DHX9: variants seen among roughly 807,000 people sequenced by gnomAD.
DHX9 encodes the protein DExH-box helicase 9, also known as ATP-dependent RNA helicase A.
Under a neutral mutation model 148.7 loss-of-function variants are expected in DHX9, and 27 were observed. That is an observed-to-expected ratio of 0.18 (90% CI 0.13 to 0.25). DHX9 has a LOEUF of 0.25. Among genes scored for constraint, DHX9 ranks in the 10% least tolerant of loss-of-function variants. The pLI, the probability that DHX9 is intolerant of heterozygous loss-of-function variation, is 1.00. For missense variants in DHX9, 796 were observed against 1,559.6 expected (o/e 0.51, Z 8.25); for synonymous variants, 529 against 516.6 (o/e 1.02, Z -0.33).
At position 182,854,045 on chromosome 1, in the gene DHX9, G is replaced by GCT; in HGVS notation, c.493_494insCT (p.Glu165AlafsTer5). ...GATTCTACAGACTCTAGAATCAGAA[G>GCT]AAGTGGATTTAAATGCTGGGCTTCA... On this transcript the variant is annotated frameshift_variant, in exon 6 of 28. Coordinates refer to ENST00000367549, the MANE Select transcript of DHX9 (RefSeq NM_001357.5). LOFTEE classifies it high-confidence loss of function. 6.2e-7 allele frequency: 1 copy of GCT among 1,612,254 alleles called. No individual in the cohort carries two copies. Among genetic ancestry groups the GCT allele is most frequent in the Non-Finnish European group, 8.5e-7 (1 of 1,179,856 alleles).
chr1:182,868,691 A>G (rs1242828438), intron 14 of DHX9, among the ~76,000 whole-genome samples: 1 of 151,654 alleles, frequency 6.6e-6, no homozygotes, highest in Non-Finnish European at 1.5e-5. Flanking sequence ...AATTTTTTGT[A>G]TTTTTAGTAG....
chr1:182,879,564 T>G (rs1429299938), intron 21 of DHX9, among the ~76,000 whole-genome samples, 154 bp downstream of exon 21: 2 of 152,128 alleles, frequency 1.3e-5, no homozygotes, highest in Non-Finnish European at 2.9e-5. Context: ...CCTTAGATAG[T>G]TAGTATAGTC....
At chr1:182,873,335 T>C (rs1287996858) in intron 15 of DHX9, among the ~76,000 whole-genome samples, 1 of 152,164 alleles carries the variant, frequency 6.6e-6, no homozygotes, top group Non-Finnish European at 1.5e-5. Flanking sequence ...AAAAGAATTA[T>C]GGTACATTCT....
At chr1:182,844,962 C>T (rs1404979818) in intron 3 of DHX9, among the ~76,000 whole-genome samples, 1 of 152,212 alleles carries the variant, frequency 6.6e-6, no homozygotes, top group East Asian at 1.9e-4. Flanking sequence ...TGTGCCCAGC[C>T]TGTCTATGCC....
At chr1:182,865,707 C>A (rs1648264055) in intron 12 of DHX9, among the ~76,000 whole-genome samples, 1 of 152,128 alleles carries the variant, frequency 6.6e-6, no homozygotes, top group South Asian at 2.1e-4. Context: ...GAATCAAATC[C>A]AAGGCACCTT....
intron 13 of DHX9, 27 bp downstream of exon 13, chr1:182,866,612 T>C: frequency 6.2e-7 from 1 of 1,601,232 alleles, no homozygotes; most frequent in Non-Finnish European, 8.5e-7. Flanking sequence ...GATTTTTCAT[T>C]TGGGGTTTAT....
intron 27 of DHX9, among the ~76,000 whole-genome samples, chr1:182,885,398 A>G (rs966716075): frequency 9.9e-5 from 15 of 152,222 alleles, no homozygotes; most frequent in Admixed American, 3.9e-4. Context: ...GTCTTTATTT[A>G]GGTTCACTAA....
At chr1:182,850,892 C>T (rs987197204) in intron 3 of DHX9, among the ~76,000 whole-genome samples, 1 of 152,140 alleles carries the variant, frequency 6.6e-6, no homozygotes, top group African/African-American at 2.4e-5. Flanking sequence ...AAAGGAAATC[C>T]TCCCCATCAC....
chr1:182,856,432 A>C, intron 6 of DHX9, 100 bp from the exon 7 acceptor site: 1 of 929,188 alleles, frequency 1.1e-6, no homozygotes, highest in Non-Finnish European at 1.7e-6. Flanking sequence ...TTTTTCTGTG[A>C]TTTGCCTAAG....
At chr1:182,884,890 T>G in intron 27 of DHX9, 77 bp downstream of exon 27, 2 of 1,381,948 alleles carry the variant, frequency 1.4e-6, no homozygotes, top group Non-Finnish European at 2.1e-6. Flanking sequence ...CTGAAGTTAG[T>G]GATAGAAGCC....
chr1:182,850,328 C>T (rs1193202621), intron 3 of DHX9, among the ~76,000 whole-genome samples: 1 of 151,982 alleles, frequency 6.6e-6, no homozygotes, highest in Non-Finnish European at 1.5e-5. Context: ...GGCGTGGTGG[C>T]TCACACCTGT....
intron 18 of DHX9, 79 bp from the exon 19 acceptor site, chr1:182,876,751 G>T: frequency 1.8e-6 from 2 of 1,119,250 alleles, no homozygotes. Context: ...CTTGTCATTT[G>T]TTACATACAT....
chr1:182,839,593 C>A (rs912372283), intron 1 of DHX9, 137 bp downstream of exon 1: 2 of 152,130 alleles, frequency 1.3e-5, no homozygotes, highest in Admixed American at 1.3e-4. Context: ...GGACGAGCCG[C>A]CCGCGGGTCC....
intron 22 of DHX9, among the ~76,000 whole-genome samples, chr1:182,880,860 A>G (rs1463563616): frequency 2.6e-5 from 4 of 152,282 alleles, no homozygotes; most frequent in African/African-American, 7.2e-5. Flanking sequence ...AGGCCAGGCA[A>G]TGTGGCTCAC....
intron 14 of DHX9, among the ~76,000 whole-genome samples, chr1:182,869,671 C>T (rs753355750): frequency 5.9e-5 from 9 of 152,322 alleles, no homozygotes; most frequent in South Asian, 2.1e-4. Context: ...AGTGAAGTTT[C>T]GGCATCTCAG....
rs953566447 is a variant in DHX9, at chr1:182,876,164, A to G, written c.1930A>G (p.Ile644Val). ...ACTCATCGAGGCTCTACTTAAGTAC[A>G]TTGAAACCCTTAATGTTCCTGGAGC... The part of the protein sequence containing the change: ...FELIEALLKY[I>V]ETLNVPGAVL... The change falls in exon 17 of 28, where the codon ATT (isoleucine) becomes GTT (valine). Residue 644 changes from isoleucine (I) to valine (V), a missense_variant. Physicochemically the swap from Ile to Val is conservative, Grantham distance 29. Transcript: ENST00000367549. 1.9e-6 allele frequency: 3 copies of G among 1,613,894 alleles called. No individual in the cohort carries two copies. The highest frequency in any genetic ancestry group is 1.7e-6 in the Non-Finnish European group (2 of 1,179,898).
At chr1:182,872,896 A>G (rs1648607049) in intron 15 of DHX9, among the ~76,000 whole-genome samples, 1 of 152,242 alleles carries the variant, frequency 6.6e-6, no homozygotes, top group South Asian at 2.1e-4. Flanking sequence ...TAGATTTTGA[A>G]TTAAGATTAA....
chr1:182,872,099 C>G (rs1648575108), intron 14 of DHX9, among the ~76,000 whole-genome samples: 1 of 152,178 alleles, frequency 6.6e-6, no homozygotes, highest in African/African-American at 2.4e-5. Flanking sequence ...AGCCACTGGG[C>G]CTGGCCAATA....
rs760247860 is a variant in DHX9, at chr1:182,843,323, C to T, written c.141C>T (p.Gly47=). ...AGGTGGAAGGTTATAATTACACTGGCATGGGAAATTCCACCAATAAAAAAG... is the reference window on the plus strand; with the variant it reads ...AGGTGGAAGGTTATAATTACACTGGTATGGGAAATTCCACCAATAAAAAAG... ...EVQVEGYNYT[G]MGNSTNKKDA... Residue 47 remains glycine (G), a synonymous_variant, in exon 3 of 28, where the codon GGC becomes GGT. Coordinates refer to ENST00000367549, the MANE Select transcript of DHX9 (RefSeq NM_001357.5). The T allele has an allele frequency of 3.7e-6, 6 of 1,605,802 alleles. No individual in the cohort carries two copies. The Admixed American group carries it at 1.0e-4, about 27-fold the overall frequency.
Sources: gnomAD v4.1 joint callset for allele counts (sites outside exome capture counted in the v4.1 genomes callset) on GRCh38, gnomAD v4.1.1 for gene constraint, MANE v1.5 for transcripts, NCBI Gene and HGNC (gene_info 2026-07-23, HGNC 2026-07-21) for gene names.